The following PCARE variants were observed in gnomAD, a reference collection of about 807,000 sequenced individuals.
The protein encoded by PCARE is uncharacterized protein C2orf71.
Under a neutral mutation model 82.2 loss-of-function variants are expected in PCARE, and 72 were observed. The ratio of observed to expected loss-of-function variants is 0.88; its 90% confidence interval spans 0.72 to 1.07. The LOEUF is 1.07. Among genes scored for constraint, PCARE ranks in the 50% least tolerant of loss-of-function variants. PCARE has a pLI of 0.00. For synonymous variants in PCARE, 705 were observed against 634.8 expected, an observed-to-expected ratio of 1.11 and a Z score of -1.66; for missense variants, 1,768 against 1,592.4, an observed-to-expected ratio of 1.11 and a Z score of -1.88.
At chr2:29,070,001 A>T (rs903469768) in intron 1 of PCARE, among the ~76,000 whole-genome samples, 3 of 152,224 alleles carry the variant, frequency 2.0e-5, no homozygotes, top group Non-Finnish European at 2.9e-5. Context: ...TGAGCCAGCC[A>T]CAGGGGCAAG....
rs1667371971 is a variant in PCARE, at chr2:29,065,059, TC to T, written c.3676del (p.Glu1226ArgfsTer88). 3.3e-6 allele frequency: 5 copies of T among 1,525,254 alleles called. No homozygotes were observed. The highest frequency in any genetic ancestry group is 1.6e-5 in the African/African-American group (1 of 61,536). 94.5% of individuals were successfully genotyped at this position (1,525,254 alleles called of 1,614,324 possible). ...ESQLGQNSSS[E>X]ESPKKDTEPG... is the part of the protein sequence containing the mutation. The stretch of plus-strand genomic sequence containing the variant: ...CTCTGTGTCCTTCTTAGGGCTCTCC[TC>T]GCTGCTGCTGCCGAGAGAAAGGACA... On this transcript the variant is annotated frameshift_variant, in exon 2 of 2. Coordinates refer to ENST00000331664, the MANE Select transcript of PCARE (RefSeq NM_001029883.3). LOFTEE classifies it low-confidence loss of function (END_TRUNC).
rs555070980 is a variant in PCARE, at chr2:29,071,078, C to A, written c.3184G>T (p.Glu1062Ter). The A allele has an allele frequency of 4.8e-6, 6 of 1,262,814 alleles. No homozygotes were observed. The African/African-American group carries it at 1.5e-4, about 32-fold the overall frequency. The allele number at this position is 1,262,814 out of a possible 1,614,324, so 78.2% of individuals were successfully genotyped here. Residue 1062 changes from glutamate to a stop codon, truncating the protein, a stop_gained, in exon 1 of 2, where the codon GAG becomes TAG. Transcript: ENST00000331664. LOFTEE classifies it high-confidence loss of function. ...HQPKLPNPPP[E>*]SAPAQCKVPS... ...ACCTTGCACTGAGCAGGTGCACTCT[C>A]GGGGGGAGGGTTGGGCAACTTGGGC...
Position 29,070,839 on chromosome 2 carries a change from G to T in PCARE, c.3423C>A (p.His1141Gln). Residue 1141 changes from histidine to glutamine, a missense_variant, in exon 1 of 2, where the codon CAC becomes CAA. Coordinates refer to ENST00000331664, the MANE Select transcript of PCARE (RefSeq NM_001029883.3). ...GCGGCAGCGATGGTGGGGTCAGTGG[G>T]TGGGCTGTTGAGAGTGGCGGTTTAG... ...FEAKPPLSTA[H>Q]PLTPPSLPPE... 1 of 1,614,154 alleles carries T rather than the reference G, an allele frequency of 6.2e-7. No individual in the cohort carries two copies. The highest frequency in any genetic ancestry group is 8.5e-7 in the Non-Finnish European group (1 of 1,180,046).
Position 29,064,922 on chromosome 2 carries a change from T to C in PCARE, c.3814A>G (p.Ile1272Val). 2 of 1,612,044 alleles carry C rather than the reference T, an allele frequency of 1.2e-6. No homozygotes were observed. The highest frequency in any genetic ancestry group is 1.7e-6 in the Non-Finnish European group (2 of 1,179,794). The change falls in exon 2 of 2, where the codon ATC becomes GTC. Residue 1272 changes from isoleucine to valine, a missense_variant. Transcript: ENST00000331664. ...GCCTCTGGCTGGGATTTGTCCTGGA[T>C]GTGGCCGGTCCGAGGCTCCGGTTGC... ...GLQPEPRTGH[I>V]QDKSQPEAQP...
chr2:29,068,912 G>A (rs1324219194), intron 1 of PCARE, among the ~76,000 whole-genome samples: 1 of 152,162 alleles, frequency 6.6e-6, no homozygotes, highest in African/African-American at 2.4e-5. Context: ...ATGCCTCCAG[G>A]ACTAGCCATT....
rs1469100219 is a variant in PCARE at position 29,070,954 on chromosome 2, C to T, written c.3308G>A (p.Arg1103Lys). The change falls in exon 1 of 2, where the codon AGA becomes AAA. Residue 1103 changes from arginine to lysine, a missense_variant. Coordinates refer to ENST00000331664, the MANE Select transcript of PCARE (RefSeq NM_001029883.3). ...MSPSQEHKET[R>K]DSEDSQAVIA... ...GACTGCTTGGCTGTCTTCAGAGTCT[C>T]TTGTTTCCTTGTGCTCCTGAGAAGG... 6.2e-7 allele frequency: 1 copy of T among 1,610,766 alleles called. No homozygotes were observed. Among genetic ancestry groups the T allele is most frequent in the Admixed American group, 1.7e-5 (1 of 59,322 alleles).
At position 29,073,396 on chromosome 2, in the gene PCARE, GTGAGCGAGGCCACTGTGCCAT is replaced by G. The variant is rs1667528912; in HGVS notation, c.845_865del (p.Asn282_Leu288del). 2 of 1,613,950 alleles carry G rather than the reference GTGAGCGAGGCCACTGTGCCAT, an allele frequency of 1.2e-6. No homozygotes were observed. Among genetic ancestry groups the G allele is most frequent in the Non-Finnish European group, 8.5e-7 (1 of 1,180,044 alleles). ...GCTGGAGCCCTCCAGGAAGCTGCCG[GTGAGCGAGGCCACTGTGCCAT>G]TGAGCACCTGCAGCTTGCTGACTGT... On this transcript the variant is annotated inframe_deletion, in exon 1 of 2. Coordinates refer to ENST00000331664, the MANE Select transcript of PCARE (RefSeq NM_001029883.3).
Position 29,071,347 on chromosome 2 carries a change from G to T in PCARE, c.2915C>A (p.Thr972Asn). The change falls in exon 1 of 2, where the codon ACC (threonine) becomes AAC (asparagine). Residue 972 changes from threonine to asparagine, a missense_variant. By Grantham distance (65) the Thr-to-Asn change is moderately conservative. Coordinates refer to ENST00000331664, the MANE Select transcript of PCARE (RefSeq NM_001029883.3). ...TGGTCTGGCCAGGCTGGACTCTGAGGTCCTGTTTTGTCCAGATGGAGGGCC... is the reference window on the plus strand; with the variant it reads ...TGGTCTGGCCAGGCTGGACTCTGAGTTCCTGTTTTGTCCAGATGGAGGGCC... ...HSGPPSGQNR[T>N]SESSLARPRQ... 5 of 1,613,672 alleles carry T rather than the reference G, an allele frequency of 3.1e-6. No individual in the cohort carries two copies. Among genetic ancestry groups the T allele is most frequent in the Non-Finnish European group, 4.2e-6 (5 of 1,179,916 alleles).
Position 29,071,431 on chromosome 2 carries a change from G to A in PCARE, c.2831C>T (p.Ala944Val). The A allele has an allele frequency of 6.2e-7, 1 of 1,613,248 alleles. No individual in the cohort carries two copies. The change falls in exon 1 of 2, where the codon GCA (alanine) becomes GTA (valine). Residue 944 changes from alanine (A) to valine (V), a missense_variant. Coordinates refer to ENST00000331664, the MANE Select transcript of PCARE (RefSeq NM_001029883.3). ...PEVKGGTWSQ[A>V]EKATSLYRQP... Reference sequence around the variant, plus strand: ...CCTGTAGAGGCTGGTGGCCTTCTCTGCCTGACTCCAAGTCCCACCCTTCAC... The same window carrying A: ...CCTGTAGAGGCTGGTGGCCTTCTCTACCTGACTCCAAGTCCCACCCTTCAC...
chr2:29,071,878 C>A lies in PCARE; in HGVS notation c.2384G>T (p.Gly795Val), dbSNP rs1341789241. Residue 795 changes from glycine (G) to valine (V), a missense_variant, in exon 1 of 2, where the codon GGC becomes GTC. By Grantham distance (109) the Gly-to-Val change is moderately radical. Coordinates refer to ENST00000331664, the MANE Select transcript of PCARE (RefSeq NM_001029883.3). Reference sequence around the variant, plus strand: ...AGGTGCTAAGGGCTTCCAGCCTATGCCCATTTTGAGAGATTCTCTGCCTGA... The same window carrying A: ...AGGTGCTAAGGGCTTCCAGCCTATGACCATTTTGAGAGATTCTCTGCCTGA... Reference protein sequence around the residue: ...PASGRESLKMGIGWKPLAPIF... With the variant: ...PASGRESLKMVIGWKPLAPIF... 6.2e-7 allele frequency: 1 copy of A among 1,614,220 alleles called. No individual in the cohort carries two copies. The highest frequency in any genetic ancestry group is 1.1e-5 in the South Asian group (1 of 91,082).
chr2:29,072,714 A>G lies in PCARE; in HGVS notation c.1548T>C (p.Ser516=), dbSNP rs758898984. 1 of 1,613,980 alleles carries G rather than the reference A, an allele frequency of 6.2e-7. No individual in the cohort carries two copies. Among genetic ancestry groups the G allele is most frequent in the South Asian group, 1.1e-5 (1 of 91,064 alleles). ...QEKTPHSRPQ[S]SPADRESPFQ... is the part of the protein sequence containing the mutation. ...ATGGGCTTTCCCGGTCAGCAGGTGAAGATTGTGGCCTTGAATGTGGAGTTT... is the reference window on the plus strand; with the variant it reads ...ATGGGCTTTCCCGGTCAGCAGGTGAGGATTGTGGCCTTGAATGTGGAGTTT... The change falls in exon 1 of 2, where the codon TCT becomes TCC. Residue 516 remains serine, a synonymous_variant. Transcript: ENST00000331664.
Position 29,064,883 on chromosome 2 carries a change from C to T in PCARE, c.3853G>A (p.Glu1285Lys). ...TCGTCAGCCTGTCAGGACACCTCCTCTTGCTGGGGCTGCGCCTCTGGCTGG... is the reference window on the plus strand; with the variant it reads ...TCGTCAGCCTGTCAGGACACCTCCTTTTGCTGGGGCTGCGCCTCTGGCTGG... ...KSQPEAQPQQ[E>K]EVS Residue 1285 changes from glutamate to lysine, a missense_variant, in exon 2 of 2, where the codon GAG becomes AAG. By Grantham distance (56) the Glu-to-Lys change is moderately conservative. Transcript: ENST00000331664. 2.5e-6 allele frequency: 4 copies of T among 1,611,640 alleles called. No homozygotes were observed. The highest frequency in any genetic ancestry group is 1.1e-5 in the South Asian group (1 of 90,978).
At chr2:29,067,255 C>T (rs946354625) in intron 1 of PCARE, among the ~76,000 whole-genome samples, 2 of 152,156 alleles carry the variant, frequency 1.3e-5, no homozygotes, top group African/African-American at 4.8e-5. Flanking sequence ...CATGCCTAGT[C>T]CCTGGTGGTG....
chr2:29,064,585 C>A lies in PCARE; in HGVS notation c.*284G>T. 1 of 568,838 alleles carries A rather than the reference C, an allele frequency of 1.8e-6. No homozygotes were observed. Among genetic ancestry groups the A allele is most frequent in the Non-Finnish European group, 3.2e-6 (1 of 317,234 alleles). The allele number at this position is 568,838 out of a possible 1,614,324, so 35.2% of individuals were successfully genotyped here. A position where few individuals can be genotyped will look rare whatever the true frequency, so the allele number is the denominator to read the frequency against. ...GCAACTATACATTCTCCACCCCCCACCCCACCCCAAATTAAGGCCAGCACT... is the reference window on the plus strand; with the variant it reads ...GCAACTATACATTCTCCACCCCCCAACCCACCCCAAATTAAGGCCAGCACT... On this transcript the variant is annotated 3_prime_UTR_variant, in exon 2 of 2. Transcript: ENST00000331664.
chr2:29,073,184 G>A lies in PCARE; in HGVS notation c.1078C>T (p.Gln360Ter). The change falls in exon 1 of 2, where the codon CAG (glutamine) becomes TAG (stop). Residue 360 changes from glutamine (Q) to a stop codon, truncating the protein, a stop_gained. Coordinates refer to ENST00000331664, the MANE Select transcript of PCARE (RefSeq NM_001029883.3). LOFTEE classifies it high-confidence loss of function. ...TGCTTGCCCAGCTTGTCCACCGACTGCACGGACTCATTGTCAGCACCAATG... is the reference window on the plus strand; with the variant it reads ...TGCTTGCCCAGCTTGTCCACCGACTACACGGACTCATTGTCAGCACCAATG... ...SGIGADNESV[Q>*]SVDKLGKQTS... is the part of the protein sequence containing the mutation. The A allele has an allele frequency of 6.2e-7, 1 of 1,614,172 alleles. No homozygotes were observed. The highest frequency in any genetic ancestry group is 8.5e-7 in the Non-Finnish European group (1 of 1,180,026).
intron 1 of PCARE, among the ~76,000 whole-genome samples, chr2:29,068,515 T>C (rs555679179): frequency 6.6e-6 from 1 of 152,332 alleles, no homozygotes; most frequent in East Asian, 1.9e-4. Flanking sequence ...TAAGAGTTCT[T>C]CTCTAATAGA....
intron 1 of PCARE, among the ~76,000 whole-genome samples, chr2:29,068,659 C>G (rs1452037330): frequency 6.6e-6 from 1 of 152,194 alleles, no homozygotes; most frequent in Non-Finnish European, 1.5e-5. Flanking sequence ...TGACTCACGC[C>G]CCATTGCGGC....
rs1667540619 is a variant in PCARE at position 29,073,829 on chromosome 2, A to G, written c.433T>C (p.Trp145Arg). 5.6e-6 allele frequency: 9 copies of G among 1,614,118 alleles called. No homozygotes were observed. Among genetic ancestry groups the G allele is most frequent in the Non-Finnish European group, 7.6e-6 (9 of 1,180,010 alleles). The stretch of plus-strand genomic sequence containing the variant: ...GTGTGACATTTTGCTGTCCTTTTCC[A>G]TTTGGAAGTATCTTGGGTACTACTT... ...EESSTQDTSK[W>R]KRTAKCHTSS... Residue 145 changes from tryptophan (W) to arginine (R), a missense_variant, in exon 1 of 2, where the codon TGG (tryptophan) becomes CGG (arginine). Transcript: ENST00000331664.
intron 1 of PCARE, 100 bp downstream of exon 1, chr2:29,070,494 G>A: frequency 6.5e-7 from 1 of 1,527,470 alleles, no homozygotes; most frequent in Non-Finnish European, 9.0e-7. Context: ...TTGGAGCACA[G>A]TTTGAAAACT....
Sources: allele counts gnomAD v4.1 joint callset (sites outside exome capture counted in the v4.1 genomes callset), GRCh38; gene constraint gnomAD v4.1.1; transcripts MANE v1.5; gene names NCBI Gene and HGNC (gene_info 2026-07-23, HGNC 2026-07-21).